Variants in FNTB observed in about 807,000 individuals in gnomAD.
FNTB encodes the protein protein farnesyltransferase subunit beta.
Under a neutral mutation model 59.4 loss-of-function variants are expected in FNTB, and 27 were observed. The observed-to-expected ratio is 0.45, with a 90% CI of 0.34 to 0.63. FNTB has a LOEUF of 0.63. Among genes scored for constraint, FNTB ranks in the 20% least tolerant of loss-of-function variants. FNTB has a pLI of 0.02. For missense variants in FNTB, 449 were observed against 559.6 expected, an observed-to-expected ratio of 0.80 and a Z score of 1.99; for synonymous variants, 230 against 220.7, an observed-to-expected ratio of 1.04 and a Z score of -0.37.
rs543463393 is a variant in FNTB, at chr14:65,045,995, A to T, written c.955+1552A>T. Among the ~76,000 whole-genome samples, 3 of 151,276 alleles carry T rather than the reference A, an allele frequency of 2.0e-5. No individual in the cohort carries two copies. In the East Asian group the frequency reaches 5.9e-4, roughly 30 times the overall value. On this transcript the variant is annotated intron_variant, in intron 9 of 11. Transcript: ENST00000246166. Reference sequence around the variant, plus strand: ...GTCAAACATTTTTTATTTTAGTATTATTTTTTTTTGAGACGGAGTTTCACT... The same window carrying T: ...GTCAAACATTTTTTATTTTAGTATTTTTTTTTTTTGAGACGGAGTTTCACT...
At chr14:65,017,930 G>A (rs1028886526) in intron 4 of FNTB, among the ~76,000 whole-genome samples, 1 of 151,976 alleles carries the variant, frequency 6.6e-6, no homozygotes, top group East Asian at 1.9e-4. Context: ...ACTCCAGTCC[G>A]GGCAACAGAG....
At chr14:65,046,467 CA>C (rs1329053504) in intron 9 of FNTB, among the ~76,000 whole-genome samples, 2 of 152,188 alleles carry the variant, frequency 1.3e-5, no homozygotes, top group Admixed American at 6.5e-5. Flanking sequence ...CAAAGTCTTC[CA>C]GGGGGGCTGC....
At chr14:65,040,319 A>G (rs2062319480) in intron 7 of FNTB, among the ~76,000 whole-genome samples, 1 of 149,792 alleles carries the variant, frequency 6.7e-6, no homozygotes, top group Non-Finnish European at 1.5e-5. Flanking sequence ...GTATATATGT[A>G]CATATATGTA....
rs1214419012 is a variant in FNTB at position 65,029,120 on chromosome 14, CCTGACCTTTG to C, written c.605+1342_605+1351del. Among the ~76,000 whole-genome samples, 1 of 152,154 alleles carries C rather than the reference CCTGACCTTTG, an allele frequency of 6.6e-6. No homozygotes were observed. The highest frequency in any genetic ancestry group is 2.4e-5 in the African/African-American group (1 of 41,444). ...GCCAAGCACTGTAGCCATATTCTTC[CCTGACCTTTG>C]CTCTTTGGGTGATGCTCTGCCATTC... On this transcript the variant is annotated intron_variant, in intron 6 of 11. Coordinates refer to ENST00000246166, the MANE Select transcript of FNTB (RefSeq NM_002028.4). The surrounding 1 kb of genome is among the most constrained non-coding windows in gnomAD (Gnocchi z 4.7).
At position 65,032,520 on chromosome 14, in the gene FNTB, A is replaced by T; in HGVS notation, c.606-90A>T. On this transcript the variant is annotated intron_variant, in intron 6 of 11. Coordinates refer to ENST00000246166, the MANE Select transcript of FNTB (RefSeq NM_002028.4). This position sits in a 1 kb window ranked among gnomAD's most constrained non-coding sequence, Gnocchi z 5.0. ...GGACAGGAGGTGATTACAGCTTACT[A>T]GGCAAGGCGAGCAGTCCGCCCGCGG... 1 of 1,419,476 alleles carries T rather than the reference A, an allele frequency of 7.0e-7. No homozygotes were observed. The highest frequency in any genetic ancestry group is 9.6e-7 in the Non-Finnish European group (1 of 1,046,120). The allele number at this position is 1,419,476 out of a possible 1,614,324, so 87.9% of individuals were successfully genotyped here.
rs974825265 is a variant in FNTB, at chr14:65,007,034, C to T, written c.209+2721C>T. ...TAGTTTCAGGAATTTCACAATTACCCGTTTTTATCATTGTTGCCTATGAAA... is the reference window on the plus strand; with the variant it reads ...TAGTTTCAGGAATTTCACAATTACCTGTTTTTATCATTGTTGCCTATGAAA... On this transcript the variant is annotated intron_variant, in intron 2 of 11. Coordinates refer to ENST00000246166, the MANE Select transcript of FNTB (RefSeq NM_002028.4). The surrounding 1 kb of genome is among the most constrained non-coding windows in gnomAD (Gnocchi z 4.9). Among the ~76,000 whole-genome samples the T allele has an allele frequency of 4.2e-4, 64 of 152,168 alleles. No individual in the cohort carries two copies. The highest frequency in any genetic ancestry group is 8.8e-4 in the Non-Finnish European group (60 of 68,018).
chr14:65,053,948 A>G (rs2062670791), intron 10 of FNTB, among the ~76,000 whole-genome samples: 1 of 152,136 alleles, frequency 6.6e-6, no homozygotes, highest in Admixed American at 6.5e-5. Context: ...AAGTGTATCA[A>G]TTTATCATTA....
At position 65,027,374 on chromosome 14, in the gene FNTB, G is replaced by A; in HGVS notation, c.375-79G>A. 6.3e-7 allele frequency: 1 copy of A among 1,579,662 alleles called. No homozygotes were observed. Among genetic ancestry groups the A allele is most frequent in the Non-Finnish European group, 8.6e-7 (1 of 1,162,726 alleles). ...GAGGGAGTGGGGGATCATTGGAAAG[G>A]CCTGGAATCTAGTGGGAATTTGGTG... is the stretch of plus-strand genomic sequence containing the variant. On this transcript the variant is annotated intron_variant, in intron 4 of 11. Coordinates refer to ENST00000246166, the MANE Select transcript of FNTB (RefSeq NM_002028.4). This position sits in a 1 kb window ranked among gnomAD's most constrained non-coding sequence, Gnocchi z 5.7.
intron 11 of FNTB, among the ~76,000 whole-genome samples, chr14:65,055,696 T>C (rs4902356): frequency 0.076 from 11,593 of 151,988 alleles, 603 homozygotes; most frequent in East Asian, 0.27. Flanking sequence ...TTTGTATTTT[T>C]AGTAGAGACA....
At position 65,009,453 on chromosome 14, in the gene FNTB, C is replaced by A. The variant is rs1435651571; in HGVS notation, c.210-2864C>A. Among the ~76,000 whole-genome samples, 2 of 152,168 alleles carry A rather than the reference C, an allele frequency of 1.3e-5. No individual in the cohort carries two copies. Among genetic ancestry groups the A allele is most frequent in the Non-Finnish European group, 2.9e-5 (2 of 68,028 alleles). ...TCTCCCACCATCTTGACTCCTAGTT[C>A]CTGAGAAAATCGAGGCTGACCCACC... On this transcript the variant is annotated intron_variant, in intron 2 of 11. Transcript: ENST00000246166. This position sits in a 1 kb window ranked among gnomAD's most constrained non-coding sequence, Gnocchi z 4.2.
chr14:65,022,257 A>G (rs1242088864), intron 4 of FNTB: 1 of 310,708 alleles, frequency 3.2e-6, no homozygotes, highest in Non-Finnish European at 6.4e-6. Flanking sequence ...GACTGTTCCT[A>G]TTTCCAAAGC....
At position 65,030,961 on chromosome 14, in the gene FNTB, C is replaced by T. The variant is rs1242141692; in HGVS notation, c.606-1649C>T. ...TAGCTGGGATTACAGGCGTGTGCCA[C>T]CATGCCCAGCTAATTTTTGTATTTT... On this transcript the variant is annotated intron_variant, in intron 6 of 11. Transcript: ENST00000246166. The surrounding 1 kb of genome is among the most constrained non-coding windows in gnomAD (Gnocchi z 4.5). Among the ~76,000 whole-genome samples the T allele has an allele frequency of 6.6e-6, 1 of 152,074 alleles. No individual in the cohort carries two copies. The highest frequency in any genetic ancestry group is 6.5e-5 in the Admixed American group (1 of 15,274).
At position 65,050,875 on chromosome 14, in the gene FNTB, C is replaced by T. The variant is rs1177505488; in HGVS notation, c.956-2363C>T. ...TTTGAAGAAAATAATCTTAAGCATA[C>T]ATAATATTGACAAAGATTTAGTCCA... On this transcript the variant is annotated intron_variant, in intron 9 of 11. Coordinates refer to ENST00000246166, the MANE Select transcript of FNTB (RefSeq NM_002028.4). Among the ~76,000 whole-genome samples the T allele has an allele frequency of 2.6e-5, 4 of 152,234 alleles. No individual in the cohort carries two copies. The East Asian group carries it at 5.8e-4, about 22-fold the overall frequency.
chr14:65,034,396 T>G (rs1185504085), intron 7 of FNTB, among the ~76,000 whole-genome samples: 1 of 152,268 alleles, frequency 6.6e-6, no homozygotes, highest in Non-Finnish European at 1.5e-5. Flanking sequence ...GGAGATACAT[T>G]TTTAATATCT....
At chr14:65,026,609 C>G (rs1419548086) in intron 4 of FNTB, among the ~76,000 whole-genome samples, 2 of 152,174 alleles carry the variant, frequency 1.3e-5, no homozygotes, top group African/African-American at 4.8e-5. Context: ...CCTGTAATCC[C>G]AGCACTTGCA....
At chr14:65,024,691 G>T (rs1325223465) in intron 4 of FNTB, among the ~76,000 whole-genome samples, 2 of 152,150 alleles carry the variant, frequency 1.3e-5, no homozygotes, top group Admixed American at 1.3e-4. Flanking sequence ...GTGCCACTTG[G>T]TGTTTGTACA....
At chr14:65,005,451 TTC>T (rs1173570132) in intron 2 of FNTB, among the ~76,000 whole-genome samples, 2 of 64,890 alleles carry the variant, frequency 3.1e-5, no homozygotes, top group Non-Finnish European at 6.5e-5. Flanking sequence ...TTCCTTTCTT[TTC>T]TTTCTTTCTT....
chr14:65,004,961 C>A (rs1486834652), intron 2 of FNTB, among the ~76,000 whole-genome samples: 2 of 152,222 alleles, frequency 1.3e-5, no homozygotes, highest in African/African-American at 4.8e-5. Flanking sequence ...CTGTGCCCGG[C>A]CCAGATTTTT....
rs1460638710 is a variant in FNTB at position 65,030,303 on chromosome 14, A to G, written c.606-2307A>G. ...CACTTGTGACTCTTGTGTGCTCCCA[A>G]TGCCTGCTGGTGGAACTAAACTTCC... On this transcript the variant is annotated intron_variant, in intron 6 of 11. Transcript: ENST00000246166. This position sits in a 1 kb window ranked among gnomAD's most constrained non-coding sequence, Gnocchi z 4.5. Among the ~76,000 whole-genome samples, 1 of 152,192 alleles carries G rather than the reference A, an allele frequency of 6.6e-6. No individual in the cohort carries two copies. Among genetic ancestry groups the G allele is most frequent in the African/African-American group, 2.4e-5 (1 of 41,460 alleles).
Sources: gnomAD v4.1 joint callset for allele counts (sites outside exome capture counted in the v4.1 genomes callset) on GRCh38, gnomAD v4.1.1 for gene constraint, Gnocchi (gnomAD v3.1) non-coding constraint, MANE v1.5 for transcripts, NCBI Gene and HGNC (gene_info 2026-07-23, HGNC 2026-07-21) for gene names.